The following ROS1 variants were observed in gnomAD, a reference collection of about 807,000 sequenced individuals.
ROS1 encodes ROS proto-oncogene 1, receptor tyrosine kinase.
Under a neutral mutation model 273.5 loss-of-function variants are expected in ROS1, and 263 were observed. The ratio of observed to expected loss-of-function variants is 0.96; its 90% CI spans 0.87 to 1.06. ROS1 has a LOEUF of 1.06. Among genes scored for constraint, ROS1 ranks in the 50% least tolerant of loss-of-function variants. The pLI is 0.00. For missense variants in ROS1, 2,833 were observed against 2,751.1 expected, an observed-to-expected ratio of 1.03 and a Z score of -0.67; for synonymous variants, 1,008 against 954.1, an observed-to-expected ratio of 1.06 and a Z score of -1.04.
Position 117,340,807 on chromosome 6 carries a change from A to AT in ROS1, c.5061+327dup, listed in dbSNP as rs57251029. ...TTTTTTCTTTCTTCAGTTCTTTTTCATTTTTTTTTCATGGAAAACACCAAG... is the reference window on the plus strand; with the variant it reads ...TTTTTTCTTTCTTCAGTTCTTTTTCATTTTTTTTTTCATGGAAAACACCAAG... On this transcript the variant is annotated intron_variant, in intron 31 of 43. Transcript: ENST00000368507. 4.5e-3 allele frequency among the ~76,000 whole-genome samples: 683 copies of AT among 150,762 alleles called. 5 individuals carry two copies. The highest frequency in any genetic ancestry group is 0.016 in the African/African-American group (647 of 41,128).
In ROS1 at chr6:117,401,392, T is replaced by A. The variant is rs573301769; in HGVS notation, c.604+1747A>T. Among the ~76,000 whole-genome samples the A allele has an allele frequency of 5.3e-5, 8 of 152,320 alleles. No individual in the cohort carries two copies. The East Asian group carries it at 1.2e-3, about 22-fold the overall frequency. ...AATCTGTACTCCTTATCAGGGTCAGTATGGCCCTGTGCGACCAAGTCTCTG... is the reference window on the plus strand; with the variant it reads ...AATCTGTACTCCTTATCAGGGTCAGAATGGCCCTGTGCGACCAAGTCTCTG... On this transcript the variant is annotated intron_variant, in intron 7 of 43. Coordinates refer to ENST00000368507, the MANE Select transcript of ROS1 (RefSeq NM_001378902.1).
chr6:117,333,029 C>T (rs1777199592), intron 32 of ROS1, among the ~76,000 whole-genome samples: 1 of 150,476 alleles, frequency 6.6e-6, no homozygotes, highest in African/African-American at 2.4e-5. Context: ...CACAAAAAGC[C>T]CTCCAAAAAA....
chr6:117,312,776 T>C (rs1775639946), intron 39 of ROS1, among the ~76,000 whole-genome samples: 1 of 152,160 alleles, frequency 6.6e-6, no homozygotes, highest in Non-Finnish European at 1.5e-5. Flanking sequence ...GATGCTACTC[T>C]GGACTACCAC....
rs764138686 is a variant in ROS1 at position 117,388,025 on chromosome 6, A to G, written c.1787-33T>C. ...AAAGAGTTCAATAATATCACTGATC[A>G]GGATGACATCTGCAAGGGCAAACCA... On this transcript the variant is annotated intron_variant, in intron 13 of 43. Transcript: ENST00000368507. 83 of 1,613,546 alleles carry G rather than the reference A, an allele frequency of 5.1e-5. 1 individual carries two copies. In the East Asian group the frequency reaches 1.8e-3, roughly 35 times the overall value.
intron 43 of ROS1, among the ~76,000 whole-genome samples, chr6:117,297,541 AT>A (rs1028889810): frequency 1.3e-5 from 2 of 152,188 alleles, no homozygotes; most frequent in African/African-American, 4.8e-5. Flanking sequence ...AAATAATCCC[AT>A]TAAAAAGTGA....
intron 27 of ROS1, among the ~76,000 whole-genome samples, chr6:117,347,520 G>A (rs372366635): frequency 9.2e-5 from 14 of 151,968 alleles, no homozygotes; most frequent in Middle Eastern, 3.2e-3. Flanking sequence ...CAAAGACAGC[G>A]TTATTTCTTC....
At chr6:117,312,879 G>A (rs895002495) in intron 39 of ROS1, among the ~76,000 whole-genome samples, 3 of 152,068 alleles carry the variant, frequency 2.0e-5, no homozygotes, top group African/African-American at 4.8e-5. Context: ...GGAAAGTATA[G>A]TTCAGCTACT....
chr6:117,371,747 G>T (rs1780796715), intron 18 of ROS1, among the ~76,000 whole-genome samples: 1 of 152,198 alleles, frequency 6.6e-6, no homozygotes, highest in Non-Finnish European at 1.5e-5. Context: ...GAGTGAGACT[G>T]GCCTTTCAGG....
chr6:117,298,537 G>A (rs151162363), intron 43 of ROS1, among the ~76,000 whole-genome samples: 75 of 152,260 alleles, frequency 4.9e-4, no homozygotes, highest in African/African-American at 1.7e-3. Flanking sequence ...GTTTCCATAT[G>A]TGAAGTTATG....
intron 17 of ROS1, 119 bp from the exon 18 acceptor site, chr6:117,379,278 A>G: frequency 1.6e-6 from 1 of 621,654 alleles, no homozygotes; most frequent in Non-Finnish European, 2.8e-6. Context: ...TAATAAATTC[A>G]GTAATTTTTA....
chr6:117,306,030 GTT>G lies in ROS1; in HGVS notation c.6551+2762_6551+2763del, dbSNP rs78945275. ...AACTCTTTACAACTCTTCTCCTCAA[GTT>G]TTTTTTTTTTTTTTTTTCAAAATAG... is the stretch of plus-strand genomic sequence containing the variant. On this transcript the variant is annotated intron_variant, in intron 42 of 43. Coordinates refer to ENST00000368507, the MANE Select transcript of ROS1 (RefSeq NM_001378902.1). Among the ~76,000 whole-genome samples the G allele has an allele frequency of 5.4e-4, 66 of 123,074 alleles. 1 individual carries two copies. Among genetic ancestry groups the G allele is most frequent in the East Asian group, 2.6e-3 (11 of 4,234 alleles). The allele number at this position is 123,074 out of a possible 152,430, so 80.7% of individuals were successfully genotyped here.
In ROS1 at chr6:117,425,820, C is replaced by CT; in HGVS notation, c.-165dup. 1.5e-6 allele frequency: 1 copy of CT among 672,008 alleles called. No individual in the cohort carries two copies. Among genetic ancestry groups the CT allele is most frequent in the Non-Finnish European group, 2.5e-6 (1 of 405,416 alleles). 41.6% of individuals were successfully genotyped at this position (672,008 alleles called of 1,614,324 possible). Reference sequence around the variant, plus strand: ...CTTGCCTTTTGAAATAATACTTAGCCTTTTTCATTTAGACCTTTGAATGCT... The same window carrying CT: ...CTTGCCTTTTGAAATAATACTTAGCCTTTTTTCATTTAGACCTTTGAATGCT... On this transcript the variant is annotated 5_prime_UTR_variant, in exon 1 of 44. The change creates a premature stop within an existing upstream ORF in the 5' untranslated region. Coordinates refer to ENST00000368507, the MANE Select transcript of ROS1 (RefSeq NM_001378902.1).
rs753364114 is a variant in ROS1, at chr6:117,365,581, C to A, written c.2958G>T (p.Lys986Asn). The change falls in exon 20 of 44, where the codon AAG becomes AAT. Residue 986 changes from lysine to asparagine, a missense_variant and splice_region_variant. By Grantham distance (94) the Lys-to-Asn change is moderately conservative (BLOSUM62 0). Transcript: ENST00000368507. ...FYSVEFSAHSKFLASEQHSLP... is the reference protein window; with the variant it reads ...FYSVEFSAHSNFLASEQHSLP... ...AAAGTTACTAGAACCAACACCATAC[C>A]TTAGAATGAGCACTAAATTCTACAC... is the stretch of plus-strand genomic sequence containing the variant. The A allele has an allele frequency of 2.5e-6, 4 of 1,612,454 alleles. No individual in the cohort carries two copies. In the Admixed American group the frequency reaches 6.7e-5, roughly 27 times the overall value.
At chr6:117,291,730 T>TA (rs1470645964) in intron 43 of ROS1, among the ~76,000 whole-genome samples, 1 of 152,212 alleles carries the variant, frequency 6.6e-6, no homozygotes, top group East Asian at 1.9e-4. Context: ...GGAAAAGTAC[T>TA]AAAATAAAAT....
chr6:117,387,030 A>T (rs1377461683), intron 14 of ROS1, 31 bp from the exon 15 acceptor site: 28 of 1,309,960 alleles, frequency 2.1e-5, no homozygotes, highest in Non-Finnish European at 3.1e-5. Flanking sequence ...TAAAAGAAAC[A>T]TCAGGGAAAG....
chr6:117,329,527 TAAG>T, intron 32 of ROS1, 81 bp from the exon 33 acceptor site: 1 of 723,068 alleles, frequency 1.4e-6, no homozygotes. Flanking sequence ...CAGAATATAT[TAAG>T]AGGAAAGACA....
chr6:117,401,476 A>T (rs1261741090), intron 7 of ROS1, among the ~76,000 whole-genome samples: 1 of 152,162 alleles, frequency 6.6e-6, no homozygotes, highest in African/African-American at 2.4e-5. Flanking sequence ...TTTGGCCCTT[A>T]TCAGAAATAA....
intron 28 of ROS1, 125 bp from the exon 29 acceptor site, chr6:117,342,669 G>T: frequency 1.6e-6 from 1 of 643,340 alleles, no homozygotes; most frequent in Non-Finnish European, 2.5e-6. Flanking sequence ...TTAAATTCTG[G>T]ATTATTAATG....
In ROS1 at chr6:117,326,091, T is replaced by TATATA. The variant is rs1491282002; in HGVS notation, c.5539+132_5539+133insTATAT. 5.9e-4 allele frequency: 87 copies of TATATA among 148,318 alleles called. 1 individual carries two copies. Among genetic ancestry groups the TATATA allele is most frequent in the East Asian group, 3.8e-3 (30 of 7,918 alleles). 9.2% of individuals were successfully genotyped at this position (148,318 alleles called of 1,614,324 possible). ...TAGTTTAATAGTTTGGATAATAAGA[T>TATATA]TATATATATATATATATATATATAT... On this transcript the variant is annotated intron_variant, in intron 34 of 43. Coordinates refer to ENST00000368507, the MANE Select transcript of ROS1 (RefSeq NM_001378902.1).
Sources: gnomAD v4.1 joint callset for allele counts (sites outside exome capture counted in the v4.1 genomes callset) on GRCh38, gnomAD v4.1.1 for gene constraint, MANE v1.5 for transcripts, NCBI Gene and HGNC (gene_info 2026-07-23, HGNC 2026-07-21) for gene names.